SNX29: variants seen among roughly 807,000 people sequenced by gnomAD.
SNX29 encodes sorting nexin 29.
In SNX29, 78 loss-of-function variants were observed where a neutral mutation model predicts 102.1. That is an observed-to-expected ratio of 0.76 (90% CI 0.64 to 0.92). The LOEUF (loss-of-function observed/expected upper bound fraction) is 0.92. Ranked by LOEUF, SNX29 falls within the 40% of genes least tolerant of loss-of-function variation. The pLI is 0.00. For synonymous variants in SNX29, 580 were observed against 414.5 expected, an observed-to-expected ratio of 1.40 and a Z score of -4.85; for missense variants, 1,280 against 1,061.7, an observed-to-expected ratio of 1.21 and a Z score of -2.86.
intron 16 of SNX29, among the ~76,000 whole-genome samples, chr16:12,362,709 C>A (rs1047319821): frequency 2.6e-5 from 4 of 151,926 alleles, no homozygotes; most frequent in African/African-American, 9.7e-5. Flanking sequence ...CTCAACGCTT[C>A]CTCAGGAATC....
At chr16:12,522,104 T>C (rs1279467465) in intron 19 of SNX29, among the ~76,000 whole-genome samples, 1 of 152,234 alleles carries the variant, frequency 6.6e-6, no homozygotes, top group Non-Finnish European at 1.5e-5. Context: ...ATCTCCCACC[T>C]GGTGCTTGCA....
At chr16:12,198,302 C>T (rs535098447) in intron 13 of SNX29, among the ~76,000 whole-genome samples, 1 of 151,836 alleles carries the variant, frequency 6.6e-6, no homozygotes, top group South Asian at 2.1e-4. Flanking sequence ...GGTGTATCAT[C>T]CCCCTAAAAT....
intron 3 of SNX29, among the ~76,000 whole-genome samples, chr16:12,008,987 C>T (rs1192285011): frequency 1.3e-5 from 2 of 152,006 alleles, no homozygotes; most frequent in Non-Finnish European, 2.9e-5. Context: ...AGTGATCCAC[C>T]TGCCTCAGCC....
intron 20 of SNX29, among the ~76,000 whole-genome samples, chr16:12,567,320 C>T (rs533223281): frequency 4.6e-5 from 7 of 152,210 alleles, no homozygotes; most frequent in South Asian, 2.1e-4. Context: ...AGAGGTGCTG[C>T]GGACGCAGGA....
intron 3 of SNX29, among the ~76,000 whole-genome samples, chr16:12,007,681 C>T (rs1454525590): frequency 1.3e-5 from 2 of 152,174 alleles, no homozygotes; most frequent in African/African-American, 2.4e-5. Context: ...CCTCTCCTGG[C>T]CCGCGGTCCC....
At chr16:12,146,104 A>G (rs556173850) in intron 13 of SNX29, among the ~76,000 whole-genome samples, 2 of 152,308 alleles carry the variant, frequency 1.3e-5, no homozygotes, top group African/African-American at 4.8e-5. Flanking sequence ...TCCTTAGGGT[A>G]CTTGGTGGTT....
At chr16:12,523,228 G>C (rs956453624) in intron 19 of SNX29, among the ~76,000 whole-genome samples, 2 of 152,184 alleles carry the variant, frequency 1.3e-5, no homozygotes, top group Non-Finnish European at 1.5e-5. Context: ...CACAGGGAGA[G>C]CAGAGACGAG....
chr16:12,420,922 C>T (rs940056112), intron 18 of SNX29, among the ~76,000 whole-genome samples: 6 of 152,168 alleles, frequency 3.9e-5, no homozygotes, highest in Admixed American at 6.5e-5. Flanking sequence ...TTGTCTCCTC[C>T]GCAGTTTGAC....
chr16:12,277,908 A>G (rs577220217), intron 14 of SNX29, 25 bp from the exon 15 acceptor site: 13 of 1,572,970 alleles, frequency 8.3e-6, no homozygotes, highest in African/African-American at 6.7e-5. Context: ...TGAAATATTT[A>G]TGACATGTCT....
At chr16:12,095,964 C>T (rs1034789305) in intron 11 of SNX29, among the ~76,000 whole-genome samples, 15 of 152,346 alleles carry the variant, frequency 9.8e-5, no homozygotes, top group African/African-American at 3.1e-4. Context: ...TCCAAACATT[C>T]GGCAGCTCCA....
chr16:12,389,729 T>C (rs879000119), intron 16 of SNX29, among the ~76,000 whole-genome samples: 4 of 152,154 alleles, frequency 2.6e-5, no homozygotes, highest in Admixed American at 2.0e-4. Context: ...CCTACCCTCA[T>C]AGGAGAACAC....
At chr16:12,364,198 G>GT (rs1382628861) in intron 16 of SNX29, among the ~76,000 whole-genome samples, 5 of 151,464 alleles carry the variant, frequency 3.3e-5, no homozygotes, top group Non-Finnish European at 7.4e-5. Flanking sequence ...GTTATGTTAT[G>GT]TTATGTTATG....
chr16:12,311,180 G>T (rs73506182), intron 15 of SNX29, among the ~76,000 whole-genome samples: 1 of 152,066 alleles, frequency 6.6e-6, no homozygotes, highest in Non-Finnish European at 1.5e-5. Context: ...GGAACTTCAG[G>T]GAGTTTTTTT....
At chr16:12,316,753 C>G (rs980757130) in intron 15 of SNX29, among the ~76,000 whole-genome samples, 4 of 152,104 alleles carry the variant, frequency 2.6e-5, no homozygotes, top group Non-Finnish European at 4.4e-5. Flanking sequence ...CCTGGCTTCT[C>G]TGCATCCTCT....
chr16:12,338,288 G>T (rs903276435), intron 15 of SNX29, among the ~76,000 whole-genome samples: 2 of 152,160 alleles, frequency 1.3e-5, no homozygotes, highest in Non-Finnish European at 2.9e-5. Flanking sequence ...CATGAGCCGT[G>T]GGGTTGGGCG....
rs767539574 is a variant in SNX29, at chr16:12,051,989, C to T, written c.891C>T (p.Asp297=). The T allele has an allele frequency of 1.2e-6, 2 of 1,613,960 alleles. No individual in the cohort carries two copies. The highest frequency in any genetic ancestry group is 2.2e-5 in the East Asian group (1 of 44,876). Residue 297 remains aspartate, a synonymous_variant, in exon 8 of 21, where the codon GAC becomes GAT. Coordinates refer to ENST00000566228, the MANE Select transcript of SNX29 (RefSeq NM_032167.5). ...GAGESSEDNS[D]RSSVNIMSAF... ...GGGAGAGCTCAGAGGACAACTCCGA[C>T]CGCTCCTCTGTCAATATCATGTCCG...
At chr16:12,038,397 C>T (rs747245489) in intron 4 of SNX29, among the ~76,000 whole-genome samples, 7 of 152,176 alleles carry the variant, frequency 4.6e-5, no homozygotes, top group Non-Finnish European at 1.0e-4. Context: ...ACAGGTGCCC[C>T]GGGGCAGCTC....
chr16:12,206,000 G>C (rs752903128), intron 14 of SNX29, among the ~76,000 whole-genome samples: 11 of 152,184 alleles, frequency 7.2e-5, no homozygotes, highest in Non-Finnish European at 4.4e-5. Context: ...CCTAGTAGTG[G>C]ACAAATTCAT....
chr16:12,376,371 A>T lies in SNX29; in HGVS notation c.1899+20092A>T, dbSNP rs115726711. ...GTGTTTGCACTGTACTTTGGTCACAAATCATCTGAGCCAAAATTACTGCTT... is the reference window on the plus strand; with the variant it reads ...GTGTTTGCACTGTACTTTGGTCACATATCATCTGAGCCAAAATTACTGCTT... On this transcript the variant is annotated intron_variant, in intron 16 of 20. Transcript: ENST00000566228. 4.0e-3 allele frequency among the ~76,000 whole-genome samples: 611 copies of T among 152,322 alleles called. 6 individuals are homozygous for T. The highest frequency in any genetic ancestry group is 0.014 in the African/African-American group (593 of 41,574).
Sources: gnomAD v4.1 joint callset for allele counts (sites outside exome capture counted in the v4.1 genomes callset) on GRCh38, gnomAD v4.1.1 for gene constraint, MANE v1.5 for transcripts, NCBI Gene and HGNC (gene_info 2026-07-23, HGNC 2026-07-21) for gene names.